The following KCNT2 variants were observed in gnomAD, a reference collection of about 807,000 sequenced individuals.
KCNT2 encodes the protein potassium channel subfamily T member 2.
Under a neutral mutation model 153.8 loss-of-function variants are expected in KCNT2, and 67 were observed. The ratio of observed to expected loss-of-function variants is 0.44; its 90% CI spans 0.36 to 0.53. The LOEUF (loss-of-function observed/expected upper bound fraction) is 0.53, where lower values mean the gene tolerates loss of function less well. Among genes scored for constraint, KCNT2 ranks in the 20% least tolerant of loss-of-function variants. The pLI is 0.00. For missense variants in KCNT2, 975 were observed against 1,354.8 expected, an observed-to-expected ratio of 0.72 and a Z score of 4.40; for synonymous variants, 500 against 458.8, an observed-to-expected ratio of 1.09 and a Z score of -1.15.
Position 196,428,155 on chromosome 1 carries a change from C to A in KCNT2, c.934G>T (p.Asp312Tyr). 1 of 1,612,632 alleles carries A rather than the reference C, an allele frequency of 6.2e-7. No individual in the cohort carries two copies. Among genetic ancestry groups the A allele is most frequent in the Non-Finnish European group, 8.5e-7 (1 of 1,179,120 alleles). ...VVLCVSSLKI[D>Y]LLMDFLNEFY... The stretch of plus-strand genomic sequence containing the variant: ...TCATTTAAAAAATCCATAAGTAAAT[C>A]AATCTTCAGTGAGCTGACACACAGG... Residue 312 changes from aspartate to tyrosine, a missense_variant, in exon 10 of 28, where the codon GAT (aspartate) becomes TAT (tyrosine). By Grantham distance (160) the Asp-to-Tyr change is radical. Around this residue, in one of 6 missense-constraint regions of KCNT2, gnomAD observed 202 missense variants for 314.9 expected, o/e 0.64. Transcript: ENST00000294725.
At position 196,313,375 on chromosome 1, in the gene KCNT2, T is replaced by C. The variant is rs965330975; in HGVS notation, c.2483+2517A>G. On this transcript the variant is annotated intron_variant, in intron 21 of 27. Coordinates refer to ENST00000294725, the MANE Select transcript of KCNT2 (RefSeq NM_198503.5). ...ATGAGAATGGGTGGTGAAGGTCAGA[T>C]ATTCAAAGGATCATCTAGGTAAGAT... 5.7e-4 allele frequency among the ~76,000 whole-genome samples: 87 copies of C among 151,580 alleles called. 3 individuals carry two copies. Among genetic ancestry groups the C allele is most frequent in the Non-Finnish European group, 3.0e-5 (2 of 67,752 alleles).
intron 25 of KCNT2, among the ~76,000 whole-genome samples, chr1:196,260,248 C>A (rs1033232603): frequency 2.0e-5 from 3 of 151,690 alleles, no homozygotes; most frequent in Admixed American, 2.0e-4. Flanking sequence ...ATACTATGTT[C>A]ATCTAATATC....
chr1:196,569,793 G>C (rs967814742), intron 1 of KCNT2, among the ~76,000 whole-genome samples: 1 of 152,054 alleles, frequency 6.6e-6, no homozygotes, highest in Admixed American at 6.6e-5. Context: ...TAAGCAACTG[G>C]GGTTTATGTT....
chr1:196,601,736 T>C (rs1188668894), intron 1 of KCNT2, among the ~76,000 whole-genome samples: 1 of 152,204 alleles, frequency 6.6e-6, no homozygotes, highest in African/African-American at 2.4e-5. Flanking sequence ...TTCCTTTTTT[T>C]AGAATTGCCA....
chr1:196,339,380 A>C (rs1665368397), intron 16 of KCNT2, among the ~76,000 whole-genome samples: 1 of 152,102 alleles, frequency 6.6e-6, no homozygotes, highest in African/African-American at 2.4e-5. Context: ...AGAATCATGG[A>C]CATAGGACAA....
chr1:196,603,745 T>C lies in KCNT2; in HGVS notation c.95+4470A>G, dbSNP rs903475448. Among the ~76,000 whole-genome samples the C allele has an allele frequency of 1.2e-4, 6 of 48,738 alleles. No homozygotes were observed. The Admixed American group carries it at 2.3e-3, about 18-fold the overall frequency. 32.0% of individuals were successfully genotyped at this position (48,738 alleles called of 152,430 possible). Reference sequence around the variant, plus strand: ...ACCTGATTTTTGAAAACTAGAATGGTCTTAAATAAATGACCTTCTCTTCTA... The same window carrying C: ...ACCTGATTTTTGAAAACTAGAATGGCCTTAAATAAATGACCTTCTCTTCTA... On this transcript the variant is annotated intron_variant, in intron 1 of 27. Transcript: ENST00000294725.
At chr1:196,274,198 G>T (rs1019881880) in intron 25 of KCNT2, among the ~76,000 whole-genome samples, 4 of 151,464 alleles carry the variant, frequency 2.6e-5, no homozygotes, top group Admixed American at 1.3e-4. Context: ...CTAAGTAGGG[G>T]TTATAAATAA....
intron 8 of KCNT2, among the ~76,000 whole-genome samples, chr1:196,448,517 T>C (rs191706722): frequency 1.3e-4 from 19 of 151,716 alleles, no homozygotes; most frequent in African/African-American, 4.1e-4. Flanking sequence ...CTAAGTAAAA[T>C]TGCATTACCT....
chr1:196,586,804 T>C (rs1662744433), intron 1 of KCNT2, among the ~76,000 whole-genome samples: 1 of 152,116 alleles, frequency 6.6e-6, no homozygotes, highest in Non-Finnish European at 1.5e-5. Context: ...ATTCTTCGTG[T>C]TCCTCCCCTG....
At chr1:196,316,220 G>A (rs972999878) in intron 20 of KCNT2, among the ~76,000 whole-genome samples, 194 bp from the exon 21 acceptor site, 1 of 151,474 alleles carries the variant, frequency 6.6e-6, no homozygotes, top group Non-Finnish European at 1.5e-5. Flanking sequence ...TTTTTATTTT[G>A]GGTACTTTAC....
chr1:196,244,484 G>A (rs1655247694), intron 26 of KCNT2, among the ~76,000 whole-genome samples: 1 of 152,086 alleles, frequency 6.6e-6, no homozygotes, highest in African/African-American at 2.4e-5. Flanking sequence ...TGAGGAGAGA[G>A]TTTCCTGCCT....
At chr1:196,351,739 A>G (rs1666721237) in intron 14 of KCNT2, among the ~76,000 whole-genome samples, 1 of 152,100 alleles carries the variant, frequency 6.6e-6, no homozygotes, top group African/African-American at 2.4e-5. Flanking sequence ...TTCCAACACT[A>G]TGTTGAATAG....
At chr1:196,567,382 C>T (rs1467586516) in intron 1 of KCNT2, among the ~76,000 whole-genome samples, 1 of 152,126 alleles carries the variant, frequency 6.6e-6, no homozygotes, top group Non-Finnish European at 1.5e-5. Flanking sequence ...GAAGTCTAAC[C>T]TTCTGATCAC....
intron 1 of KCNT2, among the ~76,000 whole-genome samples, chr1:196,598,731 A>T (rs1424139522): frequency 6.6e-6 from 1 of 152,208 alleles, no homozygotes; most frequent in Non-Finnish European, 1.5e-5. Context: ...TGAACAAGTG[A>T]TATATTTCTG....
intron 1 of KCNT2, among the ~76,000 whole-genome samples, chr1:196,526,025 G>T (rs1261993329): frequency 6.7e-6 from 1 of 149,264 alleles, no homozygotes; most frequent in Non-Finnish European, 1.5e-5. Context: ...CTGTGTGTGT[G>T]TGTGTGTGTG....
At chr1:196,437,612 T>C (rs1674843695) in intron 8 of KCNT2, among the ~76,000 whole-genome samples, 2 of 150,594 alleles carry the variant, frequency 1.3e-5, no homozygotes, top group Admixed American at 1.3e-4. Context: ...CCAATTCATT[T>C]ATAGTCATTT....
Position 196,228,002 on chromosome 1 carries a change from CTT to C in KCNT2, c.*220_*221del, listed in dbSNP as rs764131413. 7.9e-4 allele frequency: 276 copies of C among 348,008 alleles called. 1 individual carries two copies. Among genetic ancestry groups the C allele is most frequent in the Middle Eastern group, 7.6e-4 (1 of 1,314 alleles). The allele number at this position is 348,008 out of a possible 1,614,324, so 21.6% of individuals were successfully genotyped here. A position where few individuals can be genotyped will look rare whatever the true frequency, so the allele number is the denominator to read the frequency against. On this transcript the variant is annotated 3_prime_UTR_variant, in exon 28 of 28. Coordinates refer to ENST00000294725, the MANE Select transcript of KCNT2 (RefSeq NM_198503.5). ...TTTAAATTTTTGTATTTTAATTTAG[CTT>C]TTCAAATTTATTCCATTGAGGTCCT...
intron 13 of KCNT2, among the ~76,000 whole-genome samples, chr1:196,392,114 G>A (rs1162160188): frequency 6.6e-6 from 1 of 151,228 alleles, no homozygotes; most frequent in East Asian, 1.9e-4. Context: ...TTAGGTATGC[G>A]TACAAAGAGA....
At chr1:196,363,627 A>T (rs142938821) in intron 14 of KCNT2, among the ~76,000 whole-genome samples, 138 of 152,248 alleles carry the variant, frequency 9.1e-4, no homozygotes, top group African/African-American at 3.2e-3. Flanking sequence ...TATAAACATG[A>T]GTTCACCCTC....
Sources: allele counts gnomAD v4.1 joint callset (sites outside exome capture counted in the v4.1 genomes callset), GRCh38; gene constraint gnomAD v4.1.1; regional missense constraint gnomAD v4.1.1; transcripts MANE v1.5; gene names NCBI Gene and HGNC (gene_info 2026-07-23, HGNC 2026-07-21).